EPHB1: variants seen among roughly 807,000 people sequenced by gnomAD.
EPHB1 encodes the protein ephrin type-B receptor 1.
EPHB1 carries 30 observed loss-of-function variants against 94.4 expected under a neutral mutation model. The observed-to-expected ratio is 0.32, with a 90% CI of 0.24 to 0.43. The LOEUF (loss-of-function observed/expected upper bound fraction) is 0.43. Among genes scored for constraint, EPHB1 ranks in the 20% least tolerant of loss-of-function variants. EPHB1 has a pLI of 1.00. For missense variants in EPHB1, 1,055 were observed against 1,308.3 expected, an observed-to-expected ratio of 0.81 and a Z score of 2.99; for synonymous variants, 522 against 489.1, an observed-to-expected ratio of 1.07 and a Z score of -0.89.
chr3:135,249,253 T>C (rs979827566), intron 14 of EPHB1, 83 bp from the exon 15 acceptor site: 10 of 1,448,202 alleles, frequency 6.9e-6, no homozygotes, highest in Middle Eastern at 2.3e-4. Context: ...CTGCCTTCCA[T>C]GAAGTCAGCT....
At chr3:135,193,386 T>A (rs1420804896) in intron 11 of EPHB1, among the ~76,000 whole-genome samples, 1 of 152,022 alleles carries the variant, frequency 6.6e-6, no homozygotes, top group Non-Finnish European at 1.5e-5. Context: ...AAGTGGGGAG[T>A]TGCTGAAGGC....
intron 12 of EPHB1, among the ~76,000 whole-genome samples, chr3:135,227,780 A>G (rs995779361): frequency 7.2e-5 from 11 of 152,212 alleles, no homozygotes; most frequent in Non-Finnish European, 1.0e-4. Context: ...AGTTCCCAGA[A>G]TAAGAATAAT....
At chr3:134,907,920 A>G (rs968533081) in intron 1 of EPHB1, among the ~76,000 whole-genome samples, 2 of 152,154 alleles carry the variant, frequency 1.3e-5, no homozygotes, top group African/African-American at 4.8e-5. Context: ...CGGGCCTCCA[A>G]CATGCTCCTG....
At chr3:135,179,046 T>C (rs1942073866) in intron 9 of EPHB1, among the ~76,000 whole-genome samples, 1 of 152,194 alleles carries the variant, frequency 6.6e-6, no homozygotes, top group African/African-American at 2.4e-5. Context: ...TCCTCTACTT[T>C]TTGAATGTAT....
Position 134,951,786 on chromosome 3 carries a change from A to G in EPHB1, c.539A>G (p.Tyr180Cys). 2 of 1,614,040 alleles carry G rather than the reference A, an allele frequency of 1.2e-6. No individual in the cohort carries two copies. The highest frequency in any genetic ancestry group is 1.7e-6 in the Non-Finnish European group (2 of 1,179,900). Residue 180 changes from tyrosine to cysteine, a missense_variant, in exon 3 of 16, where the codon TAT becomes TGT. Coordinates refer to ENST00000398015, the MANE Select transcript of EPHB1 (RefSeq NM_004441.5). This position sits in a 1 kb window ranked among gnomAD's most constrained non-coding sequence, Gnocchi z 4.5. ...RNGFYLAFQD[Y>C]GACMSLLSVR... ...GGTTTTTACCTCGCTTTTCAGGATTATGGAGCCTGTATGTCTCTTCTTTCT... is the reference window on the plus strand; with the variant it reads ...GGTTTTTACCTCGCTTTTCAGGATTGTGGAGCCTGTATGTCTCTTCTTTCT...
chr3:135,248,326 C>A lies in EPHB1; in HGVS notation c.2507C>A (p.Ala836Asp), dbSNP rs1243043265. ...TGTATGTCACTGCAGGTCATCAATG[C>A]CATCGAGCAGGACTACCGGCTGCCC... ...WDMSNQDVIN[A>D]IEQDYRLPPP... Residue 836 changes from alanine to aspartate, a missense_variant, in exon 14 of 16, where the codon GCC becomes GAC. By Grantham distance (126) the Ala-to-Asp change is moderately radical (BLOSUM62 -2). Coordinates refer to ENST00000398015, the MANE Select transcript of EPHB1 (RefSeq NM_004441.5). The A allele has an allele frequency of 1.9e-6, 3 of 1,585,038 alleles. No individual in the cohort carries two copies. The highest frequency in any genetic ancestry group is 4.5e-5 in the East Asian group (2 of 44,202).
rs765102611 is a variant in EPHB1, at chr3:134,795,669, C to G, written c.38C>G (p.Ser13Cys). Residue 13 changes from serine (S) to cysteine (C), a missense_variant, in exon 1 of 16, where the codon TCC (serine) becomes TGC (cysteine). By Grantham distance (112) the Ser-to-Cys change is moderately radical. Coordinates refer to ENST00000398015, the MANE Select transcript of EPHB1 (RefSeq NM_004441.5). ...LDYLLLLLLA[S>C]AVAAMEETLM... ...TATCTACTACTGCTCCTCCTGGCAT[C>G]CGCAGTGGCTGCGATGGAAGGTAAC... 5.0e-6 allele frequency: 8 copies of G among 1,609,882 alleles called. No homozygotes were observed. Among genetic ancestry groups the G allele is most frequent in the South Asian group, 3.3e-5 (3 of 90,662 alleles).
chr3:134,806,025 G>A (rs2036036527), intron 1 of EPHB1, among the ~76,000 whole-genome samples: 1 of 152,030 alleles, frequency 6.6e-6, no homozygotes, highest in African/African-American at 2.4e-5. Context: ...GCACATAGGA[G>A]GTGTCAATAA....
At chr3:135,213,892 C>T (rs937260456) in intron 12 of EPHB1, among the ~76,000 whole-genome samples, 3 of 152,164 alleles carry the variant, frequency 2.0e-5, no homozygotes, top group African/African-American at 7.2e-5. Flanking sequence ...CAGCTTTGCT[C>T]GAGCCTTCTG....
At chr3:135,143,000 T>C (rs893358367) in intron 5 of EPHB1, among the ~76,000 whole-genome samples, 2 of 152,114 alleles carry the variant, frequency 1.3e-5, no homozygotes, top group Non-Finnish European at 2.9e-5. Flanking sequence ...TTCCTGACCC[T>C]GAGGTGTGCT....
intron 1 of EPHB1, among the ~76,000 whole-genome samples, chr3:134,816,313 C>T (rs1265601819): frequency 1.3e-5 from 2 of 151,882 alleles, no homozygotes; most frequent in African/African-American, 4.8e-5. Context: ...AGGCTGGTTT[C>T]GAACTCCTGA....
intron 3 of EPHB1, among the ~76,000 whole-genome samples, chr3:135,060,603 A>G (rs924297867): frequency 2.6e-5 from 4 of 152,128 alleles, no homozygotes; most frequent in Non-Finnish European, 4.4e-5. Flanking sequence ...GCATTATCAG[A>G]CAGTTTTTTT....
At chr3:135,124,114 A>T (rs538303743) in intron 4 of EPHB1, among the ~76,000 whole-genome samples, 1 of 151,902 alleles carries the variant, frequency 6.6e-6, no homozygotes, top group East Asian at 1.9e-4. Context: ...TATGGCAACC[A>T]TGCTGCTTCC....
At chr3:135,164,944 A>C (rs573351446) in intron 7 of EPHB1, among the ~76,000 whole-genome samples, 1 of 152,324 alleles carries the variant, frequency 6.6e-6, no homozygotes, top group South Asian at 2.1e-4. Context: ...TATTTGAGGC[A>C]TACTTATACT....
At chr3:135,087,863 A>G (rs192068398) in intron 3 of EPHB1, among the ~76,000 whole-genome samples, 110 of 152,168 alleles carry the variant, frequency 7.2e-4, no homozygotes, top group African/African-American at 2.4e-3. Flanking sequence ...TTTACACTCT[A>G]TTCATTTTTC....
chr3:135,176,295 G>C (rs1326235895), intron 9 of EPHB1, among the ~76,000 whole-genome samples: 1 of 152,184 alleles, frequency 6.6e-6, no homozygotes, highest in Non-Finnish European at 1.5e-5. Flanking sequence ...TGAGCCATTT[G>C]TTAGACCAAT....
chr3:134,848,378 A>G (rs2036916857), intron 1 of EPHB1, among the ~76,000 whole-genome samples: 1 of 152,262 alleles, frequency 6.6e-6, no homozygotes, highest in Non-Finnish European at 1.5e-5. Flanking sequence ...TAATATGTTT[A>G]TAGTGTTGTT....
chr3:135,180,830 G>T (rs2107705238), intron 10 of EPHB1, among the ~76,000 whole-genome samples: 1 of 152,234 alleles, frequency 6.6e-6, no homozygotes, highest in South Asian at 2.1e-4. Flanking sequence ...TGTTAAATTT[G>T]TTTTATTTTC....
chr3:135,050,647 T>C (rs1937142092), intron 3 of EPHB1, among the ~76,000 whole-genome samples: 1 of 152,168 alleles, frequency 6.6e-6, no homozygotes, highest in South Asian at 2.1e-4. Context: ...GTTTTCGTCA[T>C]GGGGCTGGAT....
Sources: allele counts gnomAD v4.1 joint callset (sites outside exome capture counted in the v4.1 genomes callset), GRCh38; gene constraint gnomAD v4.1.1; non-coding constraint Gnocchi (gnomAD v3.1); transcripts MANE v1.5; gene names NCBI Gene and HGNC (gene_info 2026-07-23, HGNC 2026-07-21).